The following SLC36A4 variants were observed in gnomAD, a reference collection of about 807,000 sequenced individuals.
The protein encoded by SLC36A4 is solute carrier family 36 member 4, also known as neutral amino acid uniporter 4.
A neutral mutation model predicts 50.5 loss-of-function variants in SLC36A4; 49 were observed. The observed-to-expected ratio is 0.97, with a 90% confidence interval of 0.77 to 1.23. SLC36A4 has a LOEUF of 1.23. Among genes scored for constraint, SLC36A4 ranks in the 50% most tolerant of loss-of-function variants. The pLI is 0.00. For synonymous variants in SLC36A4, 207 were observed against 206.5 expected (o/e 1.00, Z -0.02); for missense variants, 611 against 608.4 (o/e 1.00, Z -0.05).
chr11:93,160,693 T>C (rs1246731148), intron 9 of SLC36A4: 2 of 985,252 alleles, frequency 2.0e-6, no homozygotes, highest in East Asian at 1.1e-4. Context: ...CTTTGGAAAC[T>C]TCCCCCCTAA....
chr11:93,155,581 T>G (rs1447541261), intron 9 of SLC36A4: 2 of 152,098 alleles, frequency 1.3e-5, no homozygotes, highest in African/African-American at 2.4e-5. Flanking sequence ...AGTAAGGATT[T>G]TTTAATTTGA....
chr11:93,159,042 T>C (rs1450163600), intron 9 of SLC36A4, among the ~76,000 whole-genome samples: 5 of 152,094 alleles, frequency 3.3e-5, no homozygotes, highest in African/African-American at 4.8e-5. Flanking sequence ...TTGATACTTA[T>C]TAAATATTAA....
In SLC36A4 at chr11:93,146,195, C is replaced by A. The variant is rs2134616040; in HGVS notation, c.*2342G>T. On this transcript the variant is annotated 3_prime_UTR_variant, in exon 11 of 11. Transcript: ENST00000326402. ...GCTATGATCAATTTTATTCAAATTT[C>A]ATTGCATTTGATGAATTCCTTAAGG... 1 of 152,078 alleles carries A rather than the reference C, an allele frequency of 6.6e-6. No individual in the cohort carries two copies. The highest frequency in any genetic ancestry group is 2.1e-4 in the South Asian group (1 of 4,818). 9.4% of individuals were successfully genotyped at this position (152,078 alleles called of 1,614,324 possible).
intron 6 of SLC36A4, among the ~76,000 whole-genome samples, chr11:93,170,818 A>T (rs1231827856): frequency 1.3e-5 from 2 of 152,016 alleles, no homozygotes; most frequent in Non-Finnish European, 2.9e-5. Flanking sequence ...GTACATAAAG[A>T]CTTAATGGGA....
intron 9 of SLC36A4, among the ~76,000 whole-genome samples, chr11:93,157,727 G>C (rs1025535083): frequency 6.6e-5 from 10 of 152,180 alleles, no homozygotes; most frequent in African/African-American, 2.4e-4. Context: ...TGCAGCTTGA[G>C]ACTTTGCTGA....
At chr11:93,166,208 A>C in intron 7 of SLC36A4, 192 bp from the exon 8 acceptor site, 2 of 1,330,086 alleles carry the variant, frequency 1.5e-6, no homozygotes, top group South Asian at 3.9e-5. Flanking sequence ...TCACTGCCAA[A>C]AGCAATTGTT....
At chr11:93,184,581 AT>A (rs2134698426) in intron 2 of SLC36A4, 61 bp from the exon 3 acceptor site, 1 of 1,024,274 alleles carries the variant, frequency 9.8e-7, no homozygotes, top group Admixed American at 1.9e-5. Flanking sequence ...TAACATGATC[AT>A]GGTTTTAGTA....
intron 1 of SLC36A4, among the ~76,000 whole-genome samples, chr11:93,191,367 T>C (rs972332562): frequency 6.6e-5 from 10 of 152,316 alleles, no homozygotes; most frequent in African/African-American, 2.4e-4. Flanking sequence ...TGAGAAACTT[T>C]AGGTTGGTTT....
intron 1 of SLC36A4, among the ~76,000 whole-genome samples, chr11:93,188,089 C>T (rs370383539): frequency 1.3e-5 from 2 of 152,206 alleles, no homozygotes; most frequent in African/African-American, 2.4e-5. Flanking sequence ...TCCCCTCCCC[C>T]ACTCTCCATG....
At chr11:93,165,072 T>C (rs997112345) in intron 8 of SLC36A4, among the ~76,000 whole-genome samples, 14 of 152,224 alleles carry the variant, frequency 9.2e-5, no homozygotes, top group African/African-American at 3.1e-4. Flanking sequence ...GCTGTGAAAA[T>C]TTGTAAGAAT....
rs965247297 is a variant in SLC36A4, at chr11:93,162,699, C to T, written c.1037+7G>A. On this transcript the variant is annotated splice_region_variant and intron_variant, in intron 9 of 10. Transcript: ENST00000326402. The stretch of plus-strand genomic sequence containing the variant: ...AAACTAATATTGACAAATTCATATA[C>T]ACCTACCATACATCTTGGGGAAGAT... 1.0e-5 allele frequency: 16 copies of T among 1,596,722 alleles called. No homozygotes were observed. The highest frequency in any genetic ancestry group is 2.7e-5 in the African/African-American group (2 of 73,890).
chr11:93,178,270 G>A (rs1861580932), intron 6 of SLC36A4, among the ~76,000 whole-genome samples: 1 of 152,124 alleles, frequency 6.6e-6, no homozygotes, highest in Admixed American at 6.5e-5. Context: ...GGGTGGGAGT[G>A]TCCCAATTTT....
chr11:93,184,161 T>C (rs1474837514), intron 3 of SLC36A4, among the ~76,000 whole-genome samples: 2 of 152,214 alleles, frequency 1.3e-5, no homozygotes, highest in Admixed American at 6.5e-5. Context: ...AAGATATAAC[T>C]ATACCTGGAA....
chr11:93,195,346 G>GTCT (rs1472236608), intron 1 of SLC36A4, among the ~76,000 whole-genome samples: 1 of 151,974 alleles, frequency 6.6e-6, no homozygotes, highest in African/African-American at 2.4e-5. Context: ...GGTCCCTGGA[G>GTCT]TCTTCCATGT....
At chr11:93,150,195 A>G (rs1165355108) in intron 10 of SLC36A4, among the ~76,000 whole-genome samples, 4 of 152,022 alleles carry the variant, frequency 2.6e-5, no homozygotes, top group Admixed American at 2.6e-4. Flanking sequence ...TTGCTCATAT[A>G]CAGGCTGTGA....
In SLC36A4 at chr11:93,181,715, A is replaced by G. The variant is rs146835691; in HGVS notation, c.431T>C (p.Leu144Pro). The change falls in exon 5 of 11, where the codon CTT becomes CCT. Residue 144 changes from leucine to proline, a missense_variant. Coordinates refer to ENST00000326402, the MANE Select transcript of SLC36A4 (RefSeq NM_152313.4). ...FAMEVSPWSCLQKQAAWGRSV... is the reference protein window; with the variant it reads ...FAMEVSPWSCPQKQAAWGRSV... ...CCGCCCCCATGCTGCTTGCTTCTGA[A>G]GACAACTCCAAGGACTCACTTCCAT... 7.1e-4 allele frequency: 1,088 copies of G among 1,540,586 alleles called. No homozygotes were observed. Among genetic ancestry groups the G allele is most frequent in the Non-Finnish European group, 9.0e-4 (1,019 of 1,138,186 alleles).
chr11:93,178,238 C>A (rs1861579242), intron 6 of SLC36A4, among the ~76,000 whole-genome samples: 1 of 152,164 alleles, frequency 6.6e-6, no homozygotes, highest in African/African-American at 2.4e-5. Context: ...TTTGCTAAGA[C>A]CGTTGGAAAA....
chr11:93,187,499 A>G (rs943546873), intron 1 of SLC36A4, among the ~76,000 whole-genome samples: 4 of 152,114 alleles, frequency 2.6e-5, no homozygotes, highest in Admixed American at 2.6e-4. Flanking sequence ...CAACCACTTT[A>G]TATCTCTGAC....
intron 9 of SLC36A4, chr11:93,160,659 A>G (rs1508608): frequency 0.67 from 663,966 of 984,800 alleles, 224,474 homozygotes; most frequent in East Asian, 0.81. Flanking sequence ...CAAACCTTTC[A>G]ATGTGAATGT....
Sources: allele counts gnomAD v4.1 joint callset (sites outside exome capture counted in the v4.1 genomes callset), GRCh38; gene constraint gnomAD v4.1.1; transcripts MANE v1.5; gene names NCBI Gene and HGNC (gene_info 2026-07-23, HGNC 2026-07-21).